The following PARP8 variants were observed in gnomAD, a reference collection of about 807,000 sequenced individuals.
PARP8 encodes poly(ADP-ribose) polymerase family member 8, also known as protein mono-ADP-ribosyltransferase PARP8.
PARP8 carries 51 observed loss-of-function variants against 124.1 expected under a neutral mutation model. The observed-to-expected ratio is 0.41, with a 90% CI of 0.33 to 0.52. The LOEUF is 0.52. PARP8 is among the 20% of genes least tolerant of loss of function. The pLI is 0.21. For missense variants in PARP8, 860 were observed against 1,018.9 expected (o/e 0.84, Z 2.12); for synonymous variants, 391 against 361.5 (o/e 1.08, Z -0.93).
intron 2 of PARP8, among the ~76,000 whole-genome samples, chr5:50,699,320 C>T (rs1253969089): frequency 6.6e-6 from 1 of 152,188 alleles, no homozygotes; most frequent in Non-Finnish European, 1.5e-5. Flanking sequence ...TCCCTTGCTA[C>T]GTAAGTCCGT....
rs1747402121 is a variant in PARP8, at chr5:50,834,960, G to A, written c.2407G>A (p.Gly803Arg). The change falls in exon 25 of 26, where the codon GGA becomes AGA. Residue 803 changes from glycine to arginine, a missense_variant. Transcript: ENST00000281631. ...VITSSDLHKHGEIWVVPNTDH... is the reference protein window; with the variant it reads ...VITSSDLHKHREIWVVPNTDH... ...CACCTCATCTGACCTGCACAAACAT[G>A]GAGAGATATGGGTTGTCCCCAATAC... 6.2e-7 allele frequency: 1 copy of A among 1,613,454 alleles called. No individual in the cohort carries two copies. Among genetic ancestry groups the A allele is most frequent in the African/African-American group, 1.3e-5 (1 of 75,008 alleles).
At chr5:50,776,147 A>G (rs1036761187) in intron 7 of PARP8, among the ~76,000 whole-genome samples, 3 of 152,206 alleles carry the variant, frequency 2.0e-5, no homozygotes, top group African/African-American at 7.2e-5. Context: ...AAAAGATCAT[A>G]ACATTTTCTT....
intron 7 of PARP8, 78 bp downstream of exon 7, chr5:50,763,320 G>A: frequency 1.8e-6 from 2 of 1,136,306 alleles, no homozygotes; most frequent in Admixed American, 1.9e-5. Flanking sequence ...TAATTTAAAG[G>A]AAAAATTTGG....
intron 25 of PARP8, among the ~76,000 whole-genome samples, chr5:50,835,372 A>C (rs756657555): frequency 1.3e-5 from 2 of 151,930 alleles, no homozygotes; most frequent in East Asian, 3.9e-4. Flanking sequence ...GTGAAACGCT[A>C]TCTCTACTAA....
intron 9 of PARP8, among the ~76,000 whole-genome samples, chr5:50,788,057 A>G (rs1741473190): frequency 1.3e-5 from 2 of 149,566 alleles, no homozygotes; most frequent in African/African-American, 4.9e-5. Context: ...ATGTATGTAG[A>G]TGCAAACATG....
chr5:50,810,989 G>A (rs767301250), intron 14 of PARP8, among the ~76,000 whole-genome samples: 25 of 151,992 alleles, frequency 1.6e-4, no homozygotes, highest in Admixed American at 5.3e-4. Context: ...TTAGTATGAT[G>A]GCAAAGTGTT....
At chr5:50,809,748 A>C (rs1194875294) in intron 14 of PARP8, among the ~76,000 whole-genome samples, 3 of 152,136 alleles carry the variant, frequency 2.0e-5, no homozygotes, top group African/African-American at 7.2e-5. Context: ...TATTTTGTTG[A>C]AACAAAAAGA....
chr5:50,683,737 A>G (rs1329940084), intron 2 of PARP8, among the ~76,000 whole-genome samples: 3 of 152,272 alleles, frequency 2.0e-5, no homozygotes, highest in Admixed American at 1.3e-4. Flanking sequence ...TTTTTAACCA[A>G]GAATAAACAC....
chr5:50,755,769 G>A lies in PARP8; in HGVS notation c.185-3874G>A. Among the ~76,000 whole-genome samples the A allele has an allele frequency of 2.6e-5, 4 of 152,184 alleles. No individual in the cohort carries two copies. The South Asian group carries it at 8.3e-4, about 32-fold the overall frequency. ...GGCATTCAATCTATAAATTACCTTG[G>A]GCAATATGGCCATTTTCACGATATT... On this transcript the variant is annotated intron_variant, in intron 3 of 25. Coordinates refer to ENST00000281631, the MANE Select transcript of PARP8 (RefSeq NM_024615.4).
At chr5:50,677,976 A>G (rs1267708495) in intron 2 of PARP8, among the ~76,000 whole-genome samples, 2 of 152,118 alleles carry the variant, frequency 1.3e-5, no homozygotes, top group Non-Finnish European at 2.9e-5. Context: ...GAATCAGGAA[A>G]ATATAAAATT....
At chr5:50,764,257 C>T (rs182415445) in intron 7 of PARP8, among the ~76,000 whole-genome samples, 9 of 152,220 alleles carry the variant, frequency 5.9e-5, no homozygotes, top group African/African-American at 1.7e-4. Context: ...TTTTCTTGTT[C>T]GTTTTGTTTT....
At chr5:50,681,059 C>G (rs1751236774) in intron 2 of PARP8, among the ~76,000 whole-genome samples, 1 of 151,972 alleles carries the variant, frequency 6.6e-6, no homozygotes, top group Non-Finnish European at 1.5e-5. Flanking sequence ...GATATTTTCC[C>G]TAGTAATACA....
chr5:50,798,569 C>G (rs566486140), intron 14 of PARP8, among the ~76,000 whole-genome samples: 4 of 151,920 alleles, frequency 2.6e-5, no homozygotes, highest in Admixed American at 2.6e-4. Flanking sequence ...TACAGGCACC[C>G]GCCACCACGC....
chr5:50,668,649 A>G (rs1326592119), intron 2 of PARP8: 1 of 152,482 alleles, frequency 6.6e-6, no homozygotes, highest in Non-Finnish European at 1.5e-5. Context: ...ACTTATATGT[A>G]GCTGGAGTGG....
chr5:50,755,775 A>G (rs1479544105), intron 3 of PARP8, among the ~76,000 whole-genome samples: 1 of 152,100 alleles, frequency 6.6e-6, no homozygotes, highest in Non-Finnish European at 1.5e-5. Flanking sequence ...CTTGGGCAAT[A>G]TGGCCATTTT....
At chr5:50,745,747 C>T (rs1758472171) in intron 2 of PARP8, among the ~76,000 whole-genome samples, 2 of 152,208 alleles carry the variant, frequency 1.3e-5, no homozygotes, top group South Asian at 4.1e-4. Context: ...TAATCTCTGG[C>T]ATTGCCAAGC....
At chr5:50,668,322 T>C (rs1251144463) in intron 2 of PARP8, 197 bp downstream of exon 2, 2 of 599,676 alleles carry the variant, frequency 3.3e-6, no homozygotes, top group Non-Finnish European at 6.0e-6. Context: ...TTCAGGTGTT[T>C]CGAGGACCAC....
intron 2 of PARP8, among the ~76,000 whole-genome samples, chr5:50,735,953 G>A (rs1024833251): frequency 3.6e-5 from 5 of 138,742 alleles, no homozygotes; most frequent in African/African-American, 1.5e-4. Flanking sequence ...AGATCTAGGG[G>A]ATTCCCCCCC....
chr5:50,724,399 A>G (rs1288662631), intron 2 of PARP8, among the ~76,000 whole-genome samples: 3 of 152,150 alleles, frequency 2.0e-5, no homozygotes, highest in Non-Finnish European at 2.9e-5. Flanking sequence ...GACACAGTGT[A>G]TGTGCCAGCA....
Sources: gnomAD v4.1 joint callset for allele counts (sites outside exome capture counted in the v4.1 genomes callset) on GRCh38, gnomAD v4.1.1 for gene constraint, MANE v1.5 for transcripts, NCBI Gene and HGNC (gene_info 2026-07-23, HGNC 2026-07-21) for gene names.